STK32A: variants seen among roughly 807,000 people sequenced by gnomAD.
STK32A encodes the protein serine/threonine kinase 32A, also known as serine/threonine-protein kinase 32A.
Under a neutral mutation model 53.2 loss-of-function variants are expected in STK32A, and 41 were observed. That is an observed-to-expected ratio of 0.77 (90% CI 0.60 to 1.00). The LOEUF (loss-of-function observed/expected upper bound fraction) is 1.00. STK32A is among the 50% of genes least tolerant of loss of function. The pLI is 0.00. For missense variants in STK32A, 458 were observed against 485.8 expected, an observed-to-expected ratio of 0.94 and a Z score of 0.54; for synonymous variants, 166 against 162.8, an observed-to-expected ratio of 1.02 and a Z score of -0.15.
In STK32A at chr5:147,327,373, G is replaced by A. The variant is rs575472208; in HGVS notation, c.434+3302G>A. Among the ~76,000 whole-genome samples, 341 of 152,274 alleles carry A rather than the reference G, an allele frequency of 2.2e-3. 1 individual carries two copies. Among genetic ancestry groups the A allele is most frequent in the African/African-American group, 7.5e-3 (313 of 41,546 alleles). On this transcript the variant is annotated intron_variant, in intron 5 of 12. Coordinates refer to ENST00000397936, the MANE Select transcript of STK32A (RefSeq NM_001112724.2). ...TTAGAAAGATTAGATTGTAAAATAT[G>A]TGCTGAGTTCCTAGAAATTAAAAGT...
At chr5:147,383,303 C>A in intron 11 of STK32A, 138 bp from the exon 12 acceptor site, 1 of 712,792 alleles carries the variant, frequency 1.4e-6, no homozygotes, top group Non-Finnish European at 2.4e-6. Flanking sequence ...CTTCACATAG[C>A]ATCCATTTTG....
chr5:147,304,833 A>C (rs1753324640), intron 4 of STK32A, among the ~76,000 whole-genome samples: 1 of 152,148 alleles, frequency 6.6e-6, no homozygotes, highest in African/African-American at 2.4e-5. Context: ...CCCTTACTTG[A>C]GAAGATAAAT....
chr5:147,320,051 C>T (rs1478758282), intron 4 of STK32A, among the ~76,000 whole-genome samples: 1 of 152,124 alleles, frequency 6.6e-6, no homozygotes, highest in Non-Finnish European at 1.5e-5. Context: ...AAAATCATAA[C>T]GTTTAACCTT....
rs1178870842 is a variant in STK32A, at chr5:147,361,830, TTAAAAG to T, written c.660+221_660+226del. Among the ~76,000 whole-genome samples, 7 of 152,278 alleles carry T rather than the reference TTAAAAG, an allele frequency of 4.6e-5. No individual in the cohort carries two copies. In the East Asian group the frequency reaches 1.4e-3, roughly 29 times the overall value. The stretch of plus-strand genomic sequence containing the variant: ...TGTCAATTACCATTAAATTACACAG[TTAAAAG>T]TAAAGGAATAATATGGATATTATAA... On this transcript the variant is annotated intron_variant, in intron 8 of 12. Transcript: ENST00000397936.
chr5:147,350,083 C>A (rs559214555), intron 6 of STK32A, among the ~76,000 whole-genome samples: 4 of 151,582 alleles, frequency 2.6e-5, no homozygotes, highest in Non-Finnish European at 5.9e-5. Context: ...AACACTCCAG[C>A]CTGGCAACAG....
chr5:147,338,289 TG>T (rs1755238302), intron 5 of STK32A, among the ~76,000 whole-genome samples: 1 of 152,178 alleles, frequency 6.6e-6, no homozygotes, highest in African/African-American at 2.4e-5. Flanking sequence ...CCCCTGCACA[TG>T]GTCTCTTGCC....
At chr5:147,388,005 T>C (rs1255382140), downstream of STK32A, among the ~76,000 whole-genome samples, 1 of 152,204 alleles carries the variant, frequency 6.6e-6, no homozygotes, top group African/African-American at 2.4e-5. Context: ...TAATATTCTG[T>C]GACAGAGATG....
intron 3 of STK32A, 39 bp downstream of exon 3, chr5:147,278,218 A>G: frequency 6.5e-7 from 1 of 1,544,280 alleles, no homozygotes; most frequent in Non-Finnish European, 8.8e-7. Flanking sequence ...CAGCAGGGTT[A>G]TGTAGCCCAG....
intron 5 of STK32A, among the ~76,000 whole-genome samples, chr5:147,333,850 G>A (rs1396470339): frequency 6.6e-6 from 1 of 152,122 alleles, no homozygotes; most frequent in Non-Finnish European, 1.5e-5. Context: ...GCAGAGTGTG[G>A]TATGGTAGAG....
In STK32A at chr5:147,323,893, T is replaced by A. The variant is rs761264057; in HGVS notation, c.261-5T>A. The A allele has an allele frequency of 6.2e-7, 1 of 1,610,508 alleles. No homozygotes were observed. Among genetic ancestry groups the A allele is most frequent in the South Asian group, 1.1e-5 (1 of 90,304 alleles). On this transcript the variant is annotated splice_polypyrimidine_tract_variant and splice_region_variant and intron_variant, in intron 4 of 12. Transcript: ENST00000397936. ...GATAAGTTTTCTCTTCTAATGTAAT[T>A]CCAGGTATTCCTTCCAAGATGAGGA... is the stretch of plus-strand genomic sequence containing the variant.
At chr5:147,374,939 C>A in intron 10 of STK32A, 151 bp from the exon 11 acceptor site, 1 of 560,770 alleles carries the variant, frequency 1.8e-6, no homozygotes, top group Non-Finnish European at 2.7e-6. Context: ...ACGATGCTGG[C>A]AATAAATAAC....
At chr5:147,296,978 A>C (rs1448409595) in intron 4 of STK32A, among the ~76,000 whole-genome samples, 2 of 152,224 alleles carry the variant, frequency 1.3e-5, no homozygotes, top group African/African-American at 4.8e-5. Flanking sequence ...CAGCTCTGGG[A>C]AAGAAGAAAG....
chr5:147,241,503 C>CAAAA (rs1301310447), intron 2 of STK32A, among the ~76,000 whole-genome samples: 8 of 151,370 alleles, frequency 5.3e-5, no homozygotes, highest in African/African-American at 1.5e-4. Context: ...AACAAACAAA[C>CAAAA]AAAAAAACCC....
intron 9 of STK32A, among the ~76,000 whole-genome samples, chr5:147,371,987 G>A (rs746852969): frequency 5.3e-5 from 8 of 152,048 alleles, no homozygotes; most frequent in Non-Finnish European, 8.8e-5. Flanking sequence ...ATTATACCCA[G>A]CATTTGTGTG....
intron 2 of STK32A, among the ~76,000 whole-genome samples, chr5:147,251,611 T>C (rs56155602): frequency 3.3e-3 from 508 of 152,314 alleles, no homozygotes; most frequent in Non-Finnish European, 4.6e-3. Flanking sequence ...ACATTGGGAA[T>C]TGCTCTTCAG....
At chr5:147,272,489 G>A (rs1440245116) in intron 2 of STK32A, among the ~76,000 whole-genome samples, 1 of 152,226 alleles carries the variant, frequency 6.6e-6, no homozygotes, top group Non-Finnish European at 1.5e-5. Flanking sequence ...ATCTATATGT[G>A]ATGGTATGAA....
intron 2 of STK32A, among the ~76,000 whole-genome samples, chr5:147,245,424 CTACTT>C (rs1471689052): frequency 6.6e-6 from 1 of 152,076 alleles, no homozygotes; most frequent in Non-Finnish European, 1.5e-5. Context: ...TTTAAAAAAT[CTACTT>C]TATTTTCTCT....
At chr5:147,240,412 G>A (rs564478135) in intron 2 of STK32A, among the ~76,000 whole-genome samples, 1 of 152,236 alleles carries the variant, frequency 6.6e-6, no homozygotes, top group South Asian at 2.1e-4. Context: ...CCTCTGAGAG[G>A]GAGCTCTTCC....
At chr5:147,359,961 C>G (rs958843782) in intron 7 of STK32A, among the ~76,000 whole-genome samples, 2 of 152,070 alleles carry the variant, frequency 1.3e-5, no homozygotes, top group African/African-American at 2.4e-5. Flanking sequence ...CATGTCATAC[C>G]AGTTTCCTTT....
Sources: allele counts gnomAD v4.1 joint callset (sites outside exome capture counted in the v4.1 genomes callset), GRCh38; gene constraint gnomAD v4.1.1; transcripts MANE v1.5; gene names NCBI Gene and HGNC (gene_info 2026-07-23, HGNC 2026-07-21).